The following GALNTL6 variants were observed in gnomAD, a reference collection of about 807,000 sequenced individuals.
The protein encoded by GALNTL6 is polypeptide N-acetylgalactosaminyltransferase-like 6.
Under a neutral mutation model 73.7 loss-of-function variants are expected in GALNTL6, and 46 were observed. The observed-to-expected ratio is 0.62, with a 90% CI of 0.49 to 0.80. GALNTL6 has a LOEUF of 0.80. GALNTL6 is among the 30% of genes least tolerant of loss of function. The pLI is 0.00. For missense variants in GALNTL6, 604 were observed against 755.0 expected (o/e 0.80, Z 2.34); for synonymous variants, 259 against 263.7 (o/e 0.98, Z 0.17).
At chr4:171,941,207 T>G (rs1438043649) in intron 2 of GALNTL6, among the ~76,000 whole-genome samples, 2 of 152,238 alleles carry the variant, frequency 1.3e-5, no homozygotes, top group African/African-American at 4.8e-5. Context: ...CTCTCTGTAT[T>G]GTGAGTGAAG....
At chr4:172,299,642 G>A (rs1421682637) in intron 3 of GALNTL6, among the ~76,000 whole-genome samples, 1 of 152,212 alleles carries the variant, frequency 6.6e-6, no homozygotes, top group Non-Finnish European at 1.5e-5. Context: ...GGTCATTCAG[G>A]AGCAGGTGGT....
intron 5 of GALNTL6, among the ~76,000 whole-genome samples, chr4:172,398,047 C>G (rs1037296180): frequency 2.0e-5 from 3 of 152,076 alleles, no homozygotes; most frequent in Non-Finnish European, 2.9e-5. Context: ...AGGCAATTGT[C>G]TTTTCTGTTT....
At chr4:172,045,352 C>A (rs999195589) in intron 2 of GALNTL6, among the ~76,000 whole-genome samples, 2 of 151,906 alleles carry the variant, frequency 1.3e-5, no homozygotes, top group Admixed American at 6.6e-5. Flanking sequence ...AAAAATATAA[C>A]CTGTTAATTG....
chr4:172,201,653 C>T (rs891112021), intron 2 of GALNTL6, among the ~76,000 whole-genome samples: 1 of 151,980 alleles, frequency 6.6e-6, no homozygotes, highest in Admixed American at 6.6e-5. Flanking sequence ...TGTAGTACTT[C>T]CCTAGTTGCT....
chr4:172,110,959 T>TA (rs1020042208), intron 2 of GALNTL6, among the ~76,000 whole-genome samples: 2 of 151,246 alleles, frequency 1.3e-5, no homozygotes, highest in African/African-American at 4.9e-5. Context: ...AAGGAAACAT[T>TA]AAAAAAAAAT....
chr4:172,320,412 T>A (rs758555592), intron 4 of GALNTL6, among the ~76,000 whole-genome samples: 1 of 152,136 alleles, frequency 6.6e-6, no homozygotes, highest in Non-Finnish European at 1.5e-5. Context: ...ACAAAACATA[T>A]AGCACCAAAT....
intron 5 of GALNTL6, among the ~76,000 whole-genome samples, chr4:172,664,383 G>A (rs1579307346): frequency 6.6e-6 from 1 of 152,178 alleles, no homozygotes; most frequent in East Asian, 1.9e-4. Flanking sequence ...TGACAGTACA[G>A]TTCTCTGAAG....
intron 5 of GALNTL6, among the ~76,000 whole-genome samples, chr4:172,561,192 G>T (rs919442297): frequency 1.4e-5 from 2 of 144,324 alleles, no homozygotes; most frequent in Non-Finnish European, 3.0e-5. Context: ...AGCGGAGCTT[G>T]CAGTGAGCCG....
chr4:172,189,955 T>C lies in GALNTL6; in HGVS notation c.139-39701T>C, dbSNP rs74765064. The stretch of plus-strand genomic sequence containing the variant: ...CAGCAGCTTGTACGATTTTTCAAAC[T>C]ATTATCTCAAGAGCAACAAACCATT... On this transcript the variant is annotated intron_variant, in intron 2 of 12. Transcript: ENST00000506823. Among the ~76,000 whole-genome samples, 574 of 152,264 alleles carry C rather than the reference T, an allele frequency of 3.8e-3. 6 individuals carry two copies. The highest frequency in any genetic ancestry group is 0.013 in the African/African-American group (538 of 41,574).
chr4:172,282,426 C>T (rs1739093721), intron 3 of GALNTL6, among the ~76,000 whole-genome samples: 1 of 152,090 alleles, frequency 6.6e-6, no homozygotes, highest in African/African-American at 2.4e-5. Context: ...GCTACAAGCA[C>T]TTTGGAAAAC....
intron 5 of GALNTL6, among the ~76,000 whole-genome samples, chr4:172,757,650 G>T (rs1252511488): frequency 6.6e-6 from 1 of 152,184 alleles, no homozygotes; most frequent in East Asian, 1.9e-4. Context: ...CCATGCAAAT[G>T]AGGACATCCA....
chr4:172,700,075 C>G (rs775895053), intron 5 of GALNTL6, among the ~76,000 whole-genome samples: 23 of 151,974 alleles, frequency 1.5e-4, no homozygotes, highest in Non-Finnish European at 2.8e-4. Flanking sequence ...AAGTTTGAAA[C>G]AAGTAAGCAG....
At chr4:172,052,479 A>G (rs1328359878) in intron 2 of GALNTL6, 2 of 1,535,268 alleles carry the variant, frequency 1.3e-6, no homozygotes, top group Non-Finnish European at 1.7e-6. Flanking sequence ...GCTGGCCACC[A>G]GAGGAATCCA....
At chr4:172,250,138 A>G (rs575902224) in intron 3 of GALNTL6, among the ~76,000 whole-genome samples, 1 of 152,250 alleles carries the variant, frequency 6.6e-6, no homozygotes, top group Non-Finnish European at 1.5e-5. Flanking sequence ...GAGCTGCTAA[A>G]GGCTGTGGGA....
chr4:172,237,133 T>G (rs1291309623), intron 3 of GALNTL6, among the ~76,000 whole-genome samples: 1 of 152,202 alleles, frequency 6.6e-6, no homozygotes, highest in Non-Finnish European at 1.5e-5. Flanking sequence ...GCACCTAAGT[T>G]GATTCCATGT....
chr4:172,279,397 A>T (rs1311160721), intron 3 of GALNTL6, among the ~76,000 whole-genome samples: 1 of 150,870 alleles, frequency 6.6e-6, no homozygotes, highest in Non-Finnish European at 1.5e-5. Flanking sequence ...AAAAATGAAT[A>T]AATGACTTCA....
At chr4:171,949,842 C>A (rs117733579) in intron 2 of GALNTL6, among the ~76,000 whole-genome samples, 3 of 151,736 alleles carry the variant, frequency 2.0e-5, no homozygotes, top group African/African-American at 7.3e-5. Flanking sequence ...TGGTAGAATG[C>A]GTAAAAGAGA....
intron 5 of GALNTL6, among the ~76,000 whole-genome samples, chr4:172,614,864 T>A (rs1738662214): frequency 6.6e-6 from 1 of 152,146 alleles, no homozygotes; most frequent in African/African-American, 2.4e-5. Context: ...TAGCCACCTC[T>A]GGGATATGTT....
At chr4:172,898,739 A>T (rs1345085552) in intron 8 of GALNTL6, among the ~76,000 whole-genome samples, 1 of 152,258 alleles carries the variant, frequency 6.6e-6, no homozygotes, top group Non-Finnish European at 1.5e-5. Context: ...TGTAACAGCT[A>T]TATTCAAATA....
Sources: allele counts gnomAD v4.1 joint callset (sites outside exome capture counted in the v4.1 genomes callset), GRCh38; gene constraint gnomAD v4.1.1; transcripts MANE v1.5; gene names NCBI Gene and HGNC (gene_info 2026-07-23, HGNC 2026-07-21).